The following SPAG16 variants were observed in gnomAD, a reference collection of about 807,000 sequenced individuals.
SPAG16 encodes sperm associated antigen 16, also known as sperm-associated antigen 16 protein.
In SPAG16, 86 loss-of-function variants were observed where a neutral mutation model predicts 80.4. The ratio of observed to expected loss-of-function variants is 1.07; its 90% CI spans 0.90 to 1.28. SPAG16 has a LOEUF of 1.28. SPAG16 is among the 50% of genes most tolerant of loss of function. The pLI is 0.00. For synonymous variants in SPAG16, 294 were observed against 265.9 expected (o/e 1.11, Z -1.03); for missense variants, 870 against 765.3 (o/e 1.14, Z -1.61).
intron 10 of SPAG16, among the ~76,000 whole-genome samples, chr2:213,669,119 T>C (rs2063723759): frequency 6.6e-6 from 1 of 152,190 alleles, no homozygotes; most frequent in Admixed American, 6.5e-5. Context: ...TGTGTTTGAT[T>C]TTGTTTGGAT....
chr2:213,889,407 GGTTATAT>G (rs2076691038), intron 11 of SPAG16, among the ~76,000 whole-genome samples: 1 of 151,306 alleles, frequency 6.6e-6, no homozygotes, highest in Admixed American at 6.6e-5. Flanking sequence ...TTAGACTTGT[GGTTATAT>G]TTCCTTGGGC....
At chr2:214,002,646 AC>A (rs2046844026) in intron 12 of SPAG16, among the ~76,000 whole-genome samples, 1 of 152,142 alleles carries the variant, frequency 6.6e-6, no homozygotes, top group African/African-American at 2.4e-5. Context: ...AGGTCTGTGA[AC>A]CAAGGCAGTC....
At chr2:213,601,363 A>T (rs1386658589) in intron 10 of SPAG16, among the ~76,000 whole-genome samples, 1 of 152,172 alleles carries the variant, frequency 6.6e-6, no homozygotes, top group African/African-American at 2.4e-5. Context: ...TCATGTTAAA[A>T]TGCCATATTT....
intron 10 of SPAG16, among the ~76,000 whole-genome samples, chr2:213,633,185 G>T (rs1258267578): frequency 3.9e-5 from 6 of 151,954 alleles, no homozygotes; most frequent in African/African-American, 1.4e-4. Context: ...TTTCTTCCTG[G>T]TTCATTCCTG....
chr2:213,510,223 A>G (rs992425796), intron 10 of SPAG16, among the ~76,000 whole-genome samples: 1 of 152,144 alleles, frequency 6.6e-6, no homozygotes, highest in African/African-American at 2.4e-5. Context: ...GGGTCCATCC[A>G]TAATAGGACA....
chr2:213,522,055 T>C (rs1386821396), intron 10 of SPAG16, among the ~76,000 whole-genome samples: 1 of 152,196 alleles, frequency 6.6e-6, no homozygotes, highest in Non-Finnish European at 1.5e-5. Context: ...AACATCTATA[T>C]TGTTCAATAT....
rs545322575 is a variant in SPAG16, at chr2:213,913,453, C to T, written c.1215-16507C>T. The stretch of plus-strand genomic sequence containing the variant: ...AGGATCTGTATTTGTTAAGGTTTGC[C>T]AGAGAAATATAATAGAACGAATATG... On this transcript the variant is annotated intron_variant, in intron 11 of 15. Transcript: ENST00000331683. Among the ~76,000 whole-genome samples the T allele has an allele frequency of 1.2e-4, 18 of 151,362 alleles. 1 individual carries two copies. In the South Asian group the frequency reaches 3.1e-3, roughly 26 times the overall value.
At chr2:214,098,937 T>C (rs886575079) in intron 13 of SPAG16, among the ~76,000 whole-genome samples, 2 of 151,904 alleles carry the variant, frequency 1.3e-5, no homozygotes, top group Admixed American at 6.6e-5. Flanking sequence ...GTTACAGAAG[T>C]AGAAAAAAGT....
At chr2:213,730,077 A>C (rs2066959478) in intron 10 of SPAG16, among the ~76,000 whole-genome samples, 1 of 152,218 alleles carries the variant, frequency 6.6e-6, no homozygotes, top group Non-Finnish European at 1.5e-5. Flanking sequence ...CAATTACCTC[A>C]GGTCTCTCAG....
At chr2:214,406,282 T>G (rs1559277626) in intron 15 of SPAG16, among the ~76,000 whole-genome samples, 2 of 152,036 alleles carry the variant, frequency 1.3e-5, no homozygotes. Flanking sequence ...TAAAATTCAA[T>G]AAAAATTAAT....
chr2:213,666,027 G>T lies in SPAG16; in HGVS notation c.1070+175937G>T, dbSNP rs114842599. 7.8e-3 allele frequency among the ~76,000 whole-genome samples: 1,180 copies of T among 152,242 alleles called. 16 individuals carry two copies. The highest frequency in any genetic ancestry group is 0.027 in the African/African-American group (1,132 of 41,546). The stretch of plus-strand genomic sequence containing the variant: ...TATTGGACCTTAGTTAGAAACATGT[G>T]GGTTGGGCGTGAAAGCACTGTGAGC... On this transcript the variant is annotated intron_variant, in intron 10 of 15. Transcript: ENST00000331683.
At chr2:214,052,071 T>C (rs1409181389) in intron 13 of SPAG16, among the ~76,000 whole-genome samples, 2 of 152,238 alleles carry the variant, frequency 1.3e-5, no homozygotes, top group African/African-American at 4.8e-5. Flanking sequence ...ATAAGCTCTA[T>C]TCATGTCAAG....
At chr2:214,133,265 A>C (rs904336813) in intron 14 of SPAG16, among the ~76,000 whole-genome samples, 1 of 152,104 alleles carries the variant, frequency 6.6e-6, no homozygotes, top group African/African-American at 2.4e-5. Context: ...CCATCAACTG[A>C]ATTCCAGGGG....
chr2:213,339,472 A>G (rs2064560274), intron 5 of SPAG16, among the ~76,000 whole-genome samples: 1 of 152,230 alleles, frequency 6.6e-6, no homozygotes, highest in Non-Finnish European at 1.5e-5. Flanking sequence ...GGTAAGTGAA[A>G]CATTCTCATT....
intron 10 of SPAG16, among the ~76,000 whole-genome samples, chr2:213,702,661 A>G (rs1457348577): frequency 4.6e-5 from 7 of 152,192 alleles, no homozygotes; most frequent in Non-Finnish European, 7.3e-5. Flanking sequence ...ATATACAACT[A>G]TCCGTAATCT....
intron 12 of SPAG16, among the ~76,000 whole-genome samples, chr2:214,004,482 G>A (rs2046938127): frequency 6.6e-6 from 1 of 152,136 alleles, no homozygotes; most frequent in Admixed American, 6.6e-5. Context: ...TTAATTGTAG[G>A]AGACACATAG....
intron 4 of SPAG16, among the ~76,000 whole-genome samples, chr2:213,313,110 G>A (rs1301654171): frequency 6.6e-6 from 1 of 151,688 alleles, no homozygotes; most frequent in Non-Finnish European, 1.5e-5. Context: ...TCATTATTAA[G>A]TTTAACACAG....
At chr2:213,434,923 T>C (rs913973371) in intron 9 of SPAG16, among the ~76,000 whole-genome samples, 1 of 152,054 alleles carries the variant, frequency 6.6e-6, no homozygotes, top group African/African-American at 2.4e-5. Flanking sequence ...GAACTAGAAA[T>C]AGAACTACCA....
intron 12 of SPAG16, among the ~76,000 whole-genome samples, chr2:213,943,999 C>T (rs978386064): frequency 1.3e-5 from 2 of 152,194 alleles, no homozygotes; most frequent in African/African-American, 4.8e-5. Flanking sequence ...ACATGTTATT[C>T]TTCAAGACAA....
Sources: allele counts gnomAD v4.1 joint callset (sites outside exome capture counted in the v4.1 genomes callset), GRCh38; gene constraint gnomAD v4.1.1; transcripts MANE v1.5; gene names NCBI Gene and HGNC (gene_info 2026-07-23, HGNC 2026-07-21).